SYT1: variants seen among roughly 807,000 people sequenced by gnomAD.
SYT1 encodes the protein synaptotagmin 1.
A neutral mutation model predicts 44.8 loss-of-function variants in SYT1; 8 were observed. The observed-to-expected ratio is 0.18, with a 90% CI of 0.10 to 0.32. SYT1 has a LOEUF of 0.32. Among genes scored for constraint, SYT1 ranks in the 10% least tolerant of loss-of-function variants. The pLI is 1.00. For missense variants in SYT1, 286 were observed against 509.3 expected (o/e 0.56, Z 4.22); for synonymous variants, 154 against 188.8 (o/e 0.82, Z 1.51).
chr12:79,319,834 A>T (rs115826012), intron 8 of SYT1, among the ~76,000 whole-genome samples: 287 of 152,376 alleles, frequency 1.9e-3, no homozygotes, highest in African/African-American at 6.5e-3. Flanking sequence ...GTTCCTGGAA[A>T]AACGCAATAA....
At chr12:79,318,233 G>A (rs1881191299) in intron 8 of SYT1, among the ~76,000 whole-genome samples, 1 of 152,192 alleles carries the variant, frequency 6.6e-6, no homozygotes. Context: ...CCCAGATAAG[G>A]AGTTGTGCCT....
intron 8 of SYT1, among the ~76,000 whole-genome samples, chr12:79,338,276 CT>C (rs58399069): frequency 2.8e-3 from 400 of 144,806 alleles, no homozygotes; most frequent in African/African-American, 9.2e-3. Flanking sequence ...TTTCTTTTTC[CT>C]TTTTTTTTTT....
intron 8 of SYT1, among the ~76,000 whole-genome samples, chr12:79,333,037 A>G (rs1363286550): frequency 6.6e-6 from 1 of 152,190 alleles, no homozygotes; most frequent in African/African-American, 2.4e-5. Context: ...TTCTCATAGC[A>G]TTCCATCTAC....
intron 1 of SYT1, among the ~76,000 whole-genome samples, chr12:78,910,739 C>T (rs528405987): frequency 1.3e-5 from 2 of 151,902 alleles, no homozygotes; most frequent in Admixed American, 6.6e-5. Flanking sequence ...TAAAATATAC[C>T]GTGTTCTGAG....
Position 78,896,702 on chromosome 12 carries a change from C to T in SYT1, c.-217+31593C>T, listed in dbSNP as rs563705230. 1.7e-3 allele frequency among the ~76,000 whole-genome samples: 265 copies of T among 151,796 alleles called. 2 individuals carry two copies. The highest frequency in any genetic ancestry group is 6.2e-3 in the African/African-American group (258 of 41,490). On this transcript the variant is annotated intron_variant, in intron 1 of 10. Transcript: ENST00000261205. The stretch of plus-strand genomic sequence containing the variant: ...TATTTATAATGTAGAAAGCCATGCC[C>T]ATTTAATTCCATTTTCATTTAAAAC...
intron 1 of SYT1, among the ~76,000 whole-genome samples, chr12:78,972,984 TGTTA>T (rs1444441918): frequency 6.6e-6 from 1 of 152,200 alleles, no homozygotes; most frequent in Admixed American, 6.5e-5. Flanking sequence ...CAGAGAAATA[TGTTA>T]GTTAGGACAA....
chr12:79,014,540 A>G (rs1871666415), intron 2 of SYT1, among the ~76,000 whole-genome samples: 5 of 151,658 alleles, frequency 3.3e-5, no homozygotes, highest in Non-Finnish European at 5.9e-5. Flanking sequence ...TAGAATGGCA[A>G]TCATTAAAAA....
At chr12:78,937,334 C>T (rs1050386462) in intron 1 of SYT1, among the ~76,000 whole-genome samples, 2 of 151,952 alleles carry the variant, frequency 1.3e-5, no homozygotes, top group African/African-American at 4.8e-5. Context: ...ACTCTGCTAT[C>T]CACTATTTAT....
chr12:79,154,076 C>A (rs1870444865), intron 3 of SYT1, among the ~76,000 whole-genome samples: 1 of 152,056 alleles, frequency 6.6e-6, no homozygotes, highest in Non-Finnish European at 1.5e-5. Flanking sequence ...CAGATACATT[C>A]TGCCAATCAT....
At chr12:79,348,720 C>G (rs1051678803) in intron 8 of SYT1, among the ~76,000 whole-genome samples, 14 of 151,908 alleles carry the variant, frequency 9.2e-5, no homozygotes, top group African/African-American at 3.1e-4. Context: ...CACAATGGAA[C>G]TGATGGTAAA....
chr12:79,038,188 C>T (rs202200391), intron 2 of SYT1, among the ~76,000 whole-genome samples: 1 of 150,238 alleles, frequency 6.7e-6, no homozygotes. Context: ...TACACACACA[C>T]ATATATATAC....
chr12:79,237,775 C>T (rs551589105), intron 4 of SYT1, among the ~76,000 whole-genome samples: 45 of 152,244 alleles, frequency 3.0e-4, no homozygotes, highest in African/African-American at 8.4e-4. Context: ...CATCATTTTC[C>T]GAGTGCTTAG....
chr12:79,194,103 A>G (rs1002184959), intron 3 of SYT1, among the ~76,000 whole-genome samples: 8 of 152,126 alleles, frequency 5.3e-5, no homozygotes, highest in Non-Finnish European at 8.8e-5. Context: ...CTGAGGAAAA[A>G]ATTATCTATA....
chr12:78,916,800 T>C (rs1189486895), intron 1 of SYT1, among the ~76,000 whole-genome samples: 1 of 152,046 alleles, frequency 6.6e-6, no homozygotes, highest in Non-Finnish European at 1.5e-5. Flanking sequence ...TAGAGCACTT[T>C]TAGTTTCACA....
rs548223023 is a variant in SYT1 at position 79,139,550 on chromosome 12, A to G, written c.-17-77953A>G. Among the ~76,000 whole-genome samples the G allele has an allele frequency of 4.6e-5, 7 of 152,336 alleles. No homozygotes were observed. In the East Asian group the frequency reaches 1.2e-3, roughly 25 times the overall value. On this transcript the variant is annotated intron_variant, in intron 3 of 10. Transcript: ENST00000261205. ...CTATTGGCCTTGAAAAAAATACCCT[A>G]TTAGTTATCTAAATCCTCATCATGT...
chr12:79,044,854 C>T (rs1873885245), intron 2 of SYT1, among the ~76,000 whole-genome samples: 1 of 151,916 alleles, frequency 6.6e-6, no homozygotes, highest in Non-Finnish European at 1.5e-5. Flanking sequence ...ACAGACAGGA[C>T]CCTCAGCTGC....
intron 3 of SYT1, among the ~76,000 whole-genome samples, chr12:79,190,905 C>G (rs1873077436): frequency 6.6e-6 from 1 of 151,808 alleles, no homozygotes; most frequent in Non-Finnish European, 1.5e-5. Flanking sequence ...GTCCATGTCC[C>G]CAATAATGAG....
intron 6 of SYT1, among the ~76,000 whole-genome samples, chr12:79,294,955 A>T (rs971579138): frequency 7.9e-5 from 12 of 152,004 alleles, no homozygotes; most frequent in Admixed American, 5.2e-4. Context: ...TTATTGGGCC[A>T]TGTTAAAAGT....
chr12:79,280,302 A>G (rs376547218), intron 4 of SYT1, among the ~76,000 whole-genome samples: 9 of 152,192 alleles, frequency 5.9e-5, no homozygotes, highest in African/African-American at 2.2e-4. Flanking sequence ...ATATAAAAGT[A>G]GACATATAGA....
Sources: gnomAD v4.1 joint callset for allele counts (sites outside exome capture counted in the v4.1 genomes callset) on GRCh38, gnomAD v4.1.1 for gene constraint, MANE v1.5 for transcripts, NCBI Gene and HGNC (gene_info 2026-07-23, HGNC 2026-07-21) for gene names.